The following PCDH15 variants were observed in gnomAD, a reference collection of about 807,000 sequenced individuals.
PCDH15 encodes protocadherin related 15, also known as protocadherin-15.
Under a neutral mutation model 178.5 loss-of-function variants are expected in PCDH15, and 129 were observed. The observed-to-expected ratio is 0.72, with a 90% CI of 0.63 to 0.84. The LOEUF (loss-of-function observed/expected upper bound fraction) is 0.84. Among genes scored for constraint, PCDH15 ranks in the 40% least tolerant of loss-of-function variants. The pLI, the probability that PCDH15 is intolerant of heterozygous loss-of-function variation, is 0.00. For missense variants in PCDH15, 2,230 were observed against 2,099.9 expected, an observed-to-expected ratio of 1.06 and a Z score of -1.21; for synonymous variants, 800 against 732.0, an observed-to-expected ratio of 1.09 and a Z score of -1.50.
chr10:55,615,990 G>A (rs1457695295), intron 2 of PCDH15, among the ~76,000 whole-genome samples: 2 of 152,242 alleles, frequency 1.3e-5, no homozygotes, highest in African/African-American at 4.8e-5. Flanking sequence ...ATGCCACATT[G>A]AGACAGAGGT....
intron 2 of PCDH15, among the ~76,000 whole-genome samples, chr10:55,499,923 G>A (rs913111663): frequency 6.6e-6 from 1 of 151,530 alleles, no homozygotes; most frequent in South Asian, 2.1e-4. Context: ...GAAATAATTA[G>A]GTAATTTTTA....
At position 54,935,961 on chromosome 10, in the gene PCDH15, T is replaced by G. The variant is rs865871995; in HGVS notation, c.-79-38461A>C. On this transcript the variant is annotated intron_variant, in intron 2 of 5. Transcript: ENST00000458638. ...TGATTTTAGTGAATTCACAGAGGTT[T>G]GCAACCACCACTGCAATAAATTCTC... Among the ~76,000 whole-genome samples the G allele has an allele frequency of 5.9e-5, 9 of 152,140 alleles. 1 individual carries two copies. The highest frequency in any genetic ancestry group is 1.2e-4 in the Non-Finnish European group (8 of 67,990).
At chr10:54,447,955 CA>C (rs1458221119) in intron 3 of PCDH15, among the ~76,000 whole-genome samples, 6 of 85,582 alleles carry the variant, frequency 7.0e-5, no homozygotes, top group African/African-American at 2.9e-4. Context: ...GTATATTACT[CA>C]ATTTTTTTTC....
In PCDH15 at chr10:53,921,855, AC is replaced by A. The variant is rs2084025446; in HGVS notation, c.3373+16959del. ...ACCATGCCAAAAATAGTTTGGAATG[AC>A]CAATTTAGTTCATAGCAGAGAATGG... On this transcript the variant is annotated intron_variant, in intron 25 of 37. Transcript: ENST00000644397. 2.0e-5 allele frequency among the ~76,000 whole-genome samples: 3 copies of A among 152,274 alleles called. No homozygotes were observed. In the South Asian group the frequency reaches 6.2e-4, roughly 32 times the overall value.
At chr10:54,455,631 T>G (rs2076768859) in intron 3 of PCDH15, among the ~76,000 whole-genome samples, 1 of 152,114 alleles carries the variant, frequency 6.6e-6, no homozygotes, top group East Asian at 1.9e-4. Context: ...ATAAAAGGTT[T>G]GAAAATTTGC....
At chr10:54,720,518 C>CAAAAAAAAA (rs34014038) in intron 1 of PCDH15, among the ~76,000 whole-genome samples, 2 of 149,428 alleles carry the variant, frequency 1.3e-5, no homozygotes, top group African/African-American at 4.9e-5. Context: ...TAGTCTCTTC[C>CAAAAAAAAA]AAAAAAAAAT....
At chr10:53,869,990 A>T (rs968041743) in intron 26 of PCDH15, among the ~76,000 whole-genome samples, 8 of 152,200 alleles carry the variant, frequency 5.3e-5, no homozygotes, top group African/African-American at 1.9e-4. Flanking sequence ...CTAAGCCCTT[A>T]TATTTAAAAT....
At chr10:53,836,840 C>G (rs2077335515) in intron 29 of PCDH15, among the ~76,000 whole-genome samples, 2 of 152,146 alleles carry the variant, frequency 1.3e-5, no homozygotes, top group South Asian at 2.1e-4. Context: ...GACAGGAACT[C>G]TGATTCAACT....
intron 5 of PCDH15, among the ~76,000 whole-genome samples, chr10:54,367,235 A>G (rs1173013183): frequency 6.6e-6 from 1 of 152,108 alleles, no homozygotes; most frequent in Admixed American, 6.6e-5. Flanking sequence ...TTCAGAATAC[A>G]TTGACAAATG....
intron 32 of PCDH15, chr10:53,821,822 C>G: frequency 1.2e-6 from 2 of 1,609,656 alleles, no homozygotes; most frequent in Non-Finnish European, 1.7e-6. Context: ...CTATGATCAA[C>G]AAGAGGTTTG....
intron 18 of PCDH15, among the ~76,000 whole-genome samples, chr10:54,038,055 T>A (rs1334205530): frequency 6.6e-6 from 1 of 151,880 alleles, no homozygotes; most frequent in Non-Finnish European, 1.5e-5. Flanking sequence ...ATAGAAGGAA[T>A]AAGACAGTGA....
At chr10:54,281,854 G>C (rs976771390) in intron 8 of PCDH15, among the ~76,000 whole-genome samples, 2 of 151,960 alleles carry the variant, frequency 1.3e-5, no homozygotes, top group Non-Finnish European at 1.5e-5. Context: ...ATAACTATCA[G>C]GCTGTTAATT....
At chr10:54,584,089 A>G (rs1273027765) in intron 2 of PCDH15, among the ~76,000 whole-genome samples, 1 of 152,146 alleles carries the variant, frequency 6.6e-6, no homozygotes, top group South Asian at 2.1e-4. Flanking sequence ...TCATTATTAC[A>G]TAATATATTA....
intron 2 of PCDH15, among the ~76,000 whole-genome samples, chr10:55,387,677 G>T (rs764913846): frequency 1.3e-5 from 2 of 152,010 alleles, no homozygotes; most frequent in Admixed American, 1.3e-4. Context: ...GGCACTTTAA[G>T]AGCCAAATTT....
chr10:54,440,584 C>A (rs1342788845), intron 3 of PCDH15, among the ~76,000 whole-genome samples: 1 of 151,736 alleles, frequency 6.6e-6, no homozygotes, highest in African/African-American at 2.4e-5. Context: ...TGGCATTGAA[C>A]ATTTAATTTA....
chr10:53,818,065 T>C (rs1290039853), intron 33 of PCDH15, 52 bp from the exon 34 acceptor site: 3 of 397,898 alleles, frequency 7.5e-6, no homozygotes, highest in Non-Finnish European at 8.9e-6. Context: ...ATTTTCGTTA[T>C]TAAACAAAAT....
intron 1 of PCDH15, among the ~76,000 whole-genome samples, chr10:55,232,104 C>T (rs1841244157): frequency 6.6e-6 from 1 of 151,786 alleles, no homozygotes; most frequent in East Asian, 1.9e-4. Flanking sequence ...TGACCCTATT[C>T]CATATTGTAA....
rs563392344 is a variant in PCDH15, at chr10:54,585,489, C to G, written c.92-57612G>C. 13 of 202,838 alleles carry G rather than the reference C, an allele frequency of 6.4e-5. No individual in the cohort carries two copies. The South Asian group carries it at 9.4e-4, about 15-fold the overall frequency. The allele number at this position is 202,838 out of a possible 1,614,324, so 12.6% of individuals were successfully genotyped here. On this transcript the variant is annotated intron_variant, in intron 2 of 37. Transcript: ENST00000644397. Reference sequence around the variant, plus strand: ...CAATTATTAAAGCTAACCTTCAGAACTGTTGTTAATAACAAGACTAAGAAC... The same window carrying G: ...CAATTATTAAAGCTAACCTTCAGAAGTGTTGTTAATAACAAGACTAAGAAC...
At chr10:54,636,983 C>T (rs1341265711) in intron 2 of PCDH15, among the ~76,000 whole-genome samples, 1 of 151,780 alleles carries the variant, frequency 6.6e-6, no homozygotes, top group Non-Finnish European at 1.5e-5. Context: ...GTGATTCTCC[C>T]AAGTATATAA....
Sources: gnomAD v4.1 joint callset for allele counts (sites outside exome capture counted in the v4.1 genomes callset) on GRCh38, gnomAD v4.1.1 for gene constraint, MANE v1.5 for transcripts, NCBI Gene and HGNC (gene_info 2026-07-23, HGNC 2026-07-21) for gene names.